Variants in SRPK2 observed in about 807,000 individuals in gnomAD.
SRPK2 encodes SRSF protein kinase 2.
SRPK2 carries 21 observed loss-of-function variants against 90.8 expected under a neutral mutation model. The ratio of observed to expected loss-of-function variants is 0.23; its 90% CI spans 0.16 to 0.33. The LOEUF (loss-of-function observed/expected upper bound fraction) is 0.33. Among genes scored for constraint, SRPK2 ranks in the 10% least tolerant of loss-of-function variants. SRPK2 has a pLI of 1.00. For synonymous variants in SRPK2, 288 were observed against 311.1 expected, an observed-to-expected ratio of 0.93 and a Z score of 0.78; for missense variants, 620 against 869.0, an observed-to-expected ratio of 0.71 and a Z score of 3.60.
chr7:105,371,521 G>T (rs1819682341), intron 2 of SRPK2, among the ~76,000 whole-genome samples: 1 of 150,278 alleles, frequency 6.7e-6, no homozygotes, highest in Non-Finnish European at 1.5e-5. Flanking sequence ...GGAGGTTAGG[G>T]TGGGAAGATC....
intron 2 of SRPK2, among the ~76,000 whole-genome samples, chr7:105,328,328 G>A (rs191359942): frequency 1.3e-5 from 2 of 152,150 alleles, no homozygotes; most frequent in East Asian, 3.9e-4. Flanking sequence ...TTGGGAAGCC[G>A]AGGCGGGTGG....
At chr7:105,335,065 G>T (rs982010957) in intron 2 of SRPK2, among the ~76,000 whole-genome samples, 1 of 152,110 alleles carries the variant, frequency 6.6e-6, no homozygotes, top group African/African-American at 2.4e-5. Context: ...CAGCTAATCA[G>T]GAGGCTGAGG....
At chr7:105,342,787 C>T (rs558957646) in intron 2 of SRPK2, among the ~76,000 whole-genome samples, 1 of 152,140 alleles carries the variant, frequency 6.6e-6, no homozygotes, top group African/African-American at 2.4e-5. Context: ...TGGATTTGAC[C>T]TGGATAGGGA....
rs1473338443 is a variant in SRPK2 at position 105,396,761 on chromosome 7, A to G, written n.153+2395T>C. On this transcript the variant is annotated intron_variant and non_coding_transcript_variant, in intron 1 of 3. Coordinates refer to the SRPK2 transcript ENST00000462282. ...GAGGAGGAGGAGGAGAGGAGAGGAAAGAGAGAGAAAGAAAGAGAGAGAAAG... is the reference window on the plus strand; with the variant it reads ...GAGGAGGAGGAGGAGAGGAGAGGAAGGAGAGAGAAAGAAAGAGAGAGAAAG... 2.1e-5 allele frequency among the ~76,000 whole-genome samples: 3 copies of G among 142,152 alleles called. No homozygotes were observed. The East Asian group carries it at 6.7e-4, about 32-fold the overall frequency. The allele number at this position is 142,152 out of a possible 152,430, so 93.3% of individuals were successfully genotyped here. A position where few individuals can be genotyped will look rare whatever the true frequency, so the allele number is the denominator to read the frequency against.
rs1803869361 is a variant in SRPK2 at position 105,142,148 on chromosome 7, A to G, written c.1403T>C (p.Leu468Ser). 6.2e-7 allele frequency: 1 copy of G among 1,614,116 alleles called. No homozygotes were observed. The highest frequency in any genetic ancestry group is 8.5e-7 in the Non-Finnish European group (1 of 1,180,046). ...ESQFPEFSTS[L>S]FSGSLEPVAC... ...CACAGGTTCTAAGGATCCAGAGAAC[A>G]ACGAGGTGGAAAACTCTGGGAACTG... Residue 468 changes from leucine (L) to serine (S), a missense_variant, in exon 11 of 16, where the codon TTG (leucine) becomes TCG (serine). By Grantham distance (145) the Leu-to-Ser change is moderately radical. This residue lies in a region of SRPK2 where 243 missense variants were observed against 245.7 expected (regional missense o/e 0.99). Coordinates refer to ENST00000393651, the MANE Select transcript of SRPK2 (RefSeq NM_182692.3).
intron 2 of SRPK2, among the ~76,000 whole-genome samples, chr7:105,325,868 G>A (rs1379050404): frequency 6.6e-6 from 1 of 152,156 alleles, no homozygotes; most frequent in East Asian, 1.9e-4. Context: ...TATGTGCTTG[G>A]CTGAGAAGCC....
At chr7:105,181,842 CAT>C (rs1330774153) in intron 3 of SRPK2, among the ~76,000 whole-genome samples, 1 of 142,330 alleles carries the variant, frequency 7.0e-6, no homozygotes, top group Non-Finnish European at 1.5e-5. Flanking sequence ...CTACATAACA[CAT>C]GTGCACATAC....
chr7:105,232,458 T>TAAAAAAAAAAAAAA (rs10533429), intron 2 of SRPK2, among the ~76,000 whole-genome samples: 16 of 132,074 alleles, frequency 1.2e-4, no homozygotes, highest in African/African-American at 4.5e-4. Flanking sequence ...AAACCTTATC[T>TAAAAAAAAAAAAAA]AAAAAAAAAA....
intron 2 of SRPK2, among the ~76,000 whole-genome samples, chr7:105,207,492 TA>T (rs1796358046): frequency 6.6e-6 from 1 of 152,198 alleles, no homozygotes; most frequent in African/African-American, 2.4e-5. Context: ...CTATTTCATA[TA>T]AAAATTATCA....
rs141039335 is a variant in SRPK2, at chr7:105,188,543, C to T, written c.229+15085G>A. On this transcript the variant is annotated intron_variant, in intron 3 of 15. Transcript: ENST00000393651. Reference sequence around the variant, plus strand: ...GGAAAAAATAGCATGTTTTCAATTACTGCTTCCTAGTCAACATAAACCAGA... The same window carrying T: ...GGAAAAAATAGCATGTTTTCAATTATTGCTTCCTAGTCAACATAAACCAGA... 6.2e-4 allele frequency among the ~76,000 whole-genome samples: 95 copies of T among 152,290 alleles called. No homozygotes were observed. In the East Asian group the frequency reaches 8.5e-3, roughly 14 times the overall value.
intron 2 of SRPK2, among the ~76,000 whole-genome samples, chr7:105,319,358 A>AT (rs907231426): frequency 4.0e-5 from 6 of 151,860 alleles, no homozygotes; most frequent in South Asian, 2.1e-4. Flanking sequence ...GGTTTTGTGA[A>AT]TTTTTTTTAA....
At chr7:105,288,614 C>CA (rs893376535) in intron 2 of SRPK2, among the ~76,000 whole-genome samples, 3 of 151,924 alleles carry the variant, frequency 2.0e-5, no homozygotes, top group Non-Finnish European at 4.4e-5. Flanking sequence ...TAAACAACAA[C>CA]AAAAAAAATA....
chr7:105,326,458 GGATA>G (rs1470525984), intron 2 of SRPK2, among the ~76,000 whole-genome samples: 1 of 152,084 alleles, frequency 6.6e-6, no homozygotes, highest in Admixed American at 6.6e-5. Context: ...TCTTTTTCAT[GGATA>G]GACAAGGCTC....
chr7:105,304,423 A>G (rs1810924179), intron 2 of SRPK2: 1 of 151,880 alleles, frequency 6.6e-6, no homozygotes. Flanking sequence ...CAATGGCAGC[A>G]TTGTTGGGGT....
intron 2 of SRPK2, among the ~76,000 whole-genome samples, chr7:105,313,894 G>A (rs1176205038): frequency 6.6e-6 from 1 of 151,976 alleles, no homozygotes; most frequent in African/African-American, 2.4e-5. Flanking sequence ...TAAAAGAACT[G>A]GCAGTATACA....
chr7:105,291,559 T>A (rs530543715), intron 2 of SRPK2, among the ~76,000 whole-genome samples: 2 of 152,004 alleles, frequency 1.3e-5, no homozygotes, highest in Non-Finnish European at 2.9e-5. Flanking sequence ...TGAAACCCCA[T>A]CTCTACTAAA....
chr7:105,389,074 G>T, upstream of SRPK2: 2 of 916,428 alleles, frequency 2.2e-6, no homozygotes, highest in Non-Finnish European at 2.6e-6. Flanking sequence ...ACCCACCTGT[G>T]CAGAAGTGGC....
intron 2 of SRPK2, among the ~76,000 whole-genome samples, chr7:105,371,628 T>TC (rs1819704166): frequency 6.8e-6 from 1 of 147,618 alleles, no homozygotes; most frequent in Non-Finnish European, 1.5e-5. Context: ...TGGTAGGTAG[T>TC]GCATGCCTGT....
At chr7:105,171,461 T>C (rs1791136828) in intron 3 of SRPK2, among the ~76,000 whole-genome samples, 1 of 152,234 alleles carries the variant, frequency 6.6e-6, no homozygotes, top group African/African-American at 2.4e-5. Flanking sequence ...ATTGTAAAGA[T>C]GTTATTTCTT....
Sources: gnomAD v4.1 joint callset for allele counts (sites outside exome capture counted in the v4.1 genomes callset) on GRCh38, gnomAD v4.1.1 for gene constraint, gnomAD v4.1.1 regional missense constraint, MANE v1.5 for transcripts, NCBI Gene and HGNC (gene_info 2026-07-23, HGNC 2026-07-21) for gene names.